ROCK2: variants seen among roughly 807,000 people sequenced by gnomAD.
The protein encoded by ROCK2 is rho-associated protein kinase 2.
In ROCK2, 61 loss-of-function variants were observed where a neutral mutation model predicts 195.1. The observed-to-expected ratio is 0.31, with a 90% CI of 0.25 to 0.39. ROCK2 has a LOEUF of 0.39. ROCK2 is among the 10% of genes least tolerant of loss of function. The pLI, the probability that ROCK2 is intolerant of heterozygous loss-of-function variation, is 1.00. For missense variants in ROCK2, 1,109 were observed against 1,637.4 expected (o/e 0.68, Z 5.57); for synonymous variants, 504 against 545.5 (o/e 0.92, Z 1.06).
intron 32 of ROCK2, chr2:11,184,769 T>A: frequency 2.0e-6 from 2 of 983,862 alleles, no homozygotes; most frequent in Non-Finnish European, 2.4e-6. Flanking sequence ...AATCAAGCAA[T>A]CTGCAATAGG....
chr2:11,214,262 ATTCCAGTTAGTGAC>A (rs1572252390), intron 17 of ROCK2, 81 bp downstream of exon 17: 2 of 669,800 alleles, frequency 3.0e-6, no homozygotes, highest in East Asian at 5.3e-5. Context: ...ATGTGGAAAT[ATTCCAGTTAGTGAC>A]TTCCCTTAGT....
intron 1 of ROCK2, among the ~76,000 whole-genome samples, chr2:11,336,626 G>A (rs1172951358): frequency 6.6e-6 from 1 of 152,164 alleles, no homozygotes; most frequent in Non-Finnish European, 1.5e-5. Flanking sequence ...TACTAAGGTG[G>A]TAGAAAAGCA....
intron 3 of ROCK2, among the ~76,000 whole-genome samples, chr2:11,273,301 T>G (rs1412823704): frequency 3.3e-5 from 5 of 151,934 alleles, no homozygotes; most frequent in Non-Finnish European, 5.9e-5. Context: ...AGACACAAAC[T>G]GATTGATAGT....
At chr2:11,213,254 G>T (rs909617881) in intron 17 of ROCK2, among the ~76,000 whole-genome samples, 2 of 152,180 alleles carry the variant, frequency 1.3e-5, no homozygotes, top group East Asian at 3.9e-4. Context: ...AGTATACAGC[G>T]ATCTATCTTT....
rs768408604 is a variant in ROCK2 at position 11,192,521 on chromosome 2, G to A, written c.3879C>T (p.Cys1293=). 1 of 1,614,072 alleles carries A rather than the reference G, an allele frequency of 6.2e-7. No homozygotes were observed. Reference sequence around the variant, plus strand: ...TATGACACTTAATATGGCAACGGCGGCACTCCAAAGCAGGAGGAGGCTTAA... The same window carrying A: ...TATGACACTTAATATGGCAACGGCGACACTCCAAAGCAGGAGGAGGCTTAA... ...HMFKPPPALE[C]RRCHIKCHKD... is the part of the protein sequence containing the mutation. The change falls in exon 31 of 33, where the codon TGC becomes TGT. Residue 1293 remains cysteine (C), a synonymous_variant. Coordinates refer to ENST00000315872, the MANE Select transcript of ROCK2 (RefSeq NM_004850.5). The surrounding 1 kb of genome is among the most constrained non-coding windows in gnomAD (Gnocchi z 5.0).
At chr2:11,250,158 C>A (rs904586385) in intron 3 of ROCK2, among the ~76,000 whole-genome samples, 38 of 151,856 alleles carry the variant, frequency 2.5e-4, no homozygotes, top group African/African-American at 8.5e-4. Flanking sequence ...TGAAAAAAAA[C>A]CATTTATGTA....
Position 11,258,903 on chromosome 2 carries a change from GAA to G in ROCK2, c.325-9107_325-9106del, listed in dbSNP as rs959143299. Among the ~76,000 whole-genome samples the G allele has an allele frequency of 9.3e-5, 14 of 151,302 alleles. 1 individual carries two copies. Among genetic ancestry groups the G allele is most frequent in the African/African-American group, 3.4e-4 (14 of 40,630 alleles). On this transcript the variant is annotated intron_variant, in intron 3 of 32. Coordinates refer to ENST00000315872, the MANE Select transcript of ROCK2 (RefSeq NM_004850.5). ...TAAAAAAAAAAGAAAACTGAAAAGG[GAA>G]AGAGTTGGAGCTGAGGAGGAAGAGT...
intron 1 of ROCK2, among the ~76,000 whole-genome samples, chr2:11,309,633 A>G (rs544072098): frequency 1.6e-4 from 24 of 152,244 alleles, no homozygotes; most frequent in Admixed American, 4.6e-4. Context: ...AAAAATGAGT[A>G]TATGAAATAT....
chr2:11,300,286 G>A (rs1421267234), intron 1 of ROCK2, among the ~76,000 whole-genome samples: 1 of 152,148 alleles, frequency 6.6e-6, no homozygotes, highest in Admixed American at 6.5e-5. Flanking sequence ...TTCTGAGACG[G>A]AGTTTCGCTC....
chr2:11,344,086 C>A lies in ROCK2; in HGVS notation c.51G>T (p.Ala17=), dbSNP rs368832806. Reference sequence around the variant, plus strand: ...GGCTCGCGCCTGCCCCGTCCCCCGGCGCGGTCTCGGGGGCGCCGGGCATTT... The same window carrying A: ...GGCTCGCGCCTGCCCCGTCCCCCGGAGCGGTCTCGGGGGCGCCGGGCATTT... ...TGKMPGAPET[A]PGDGAGASRQ... The change falls in exon 1 of 33, where the codon GCG becomes GCT. Residue 17 remains alanine, a synonymous_variant. Transcript: ENST00000315872. The surrounding 1 kb of genome is among the most constrained non-coding windows in gnomAD (Gnocchi z 5.4). 2.6e-4 allele frequency: 393 copies of A among 1,540,906 alleles called. 1 individual carries two copies. In the African/African-American group the frequency reaches 5.0e-3, roughly 20 times the overall value.
chr2:11,238,245 T>TG (rs11377542), intron 4 of ROCK2, among the ~76,000 whole-genome samples: 20 of 38,390 alleles, frequency 5.2e-4, no homozygotes, highest in Admixed American at 1.2e-3. Context: ...TGTGTGTCTG[T>TG]TGTGTGTGTC....
In ROCK2 at chr2:11,235,611, C is replaced by T; in HGVS notation, c.723+91G>A. 2.2e-6 allele frequency: 3 copies of T among 1,373,032 alleles called. No individual in the cohort carries two copies. Among genetic ancestry groups the T allele is most frequent in the South Asian group, 2.9e-5 (2 of 69,846 alleles). The allele number at this position is 1,373,032 out of a possible 1,614,324, so 85.1% of individuals were successfully genotyped here. A position where few individuals can be genotyped will look rare whatever the true frequency, so the allele number is the denominator to read the frequency against. Reference sequence around the variant, plus strand: ...ATACAGTTATGAAAACTAAATTTACCTTTGTTCAAAACTATGAAGACCTGA... The same window carrying T: ...ATACAGTTATGAAAACTAAATTTACTTTTGTTCAAAACTATGAAGACCTGA... On this transcript the variant is annotated intron_variant, in intron 5 of 32. Coordinates refer to ENST00000315872, the MANE Select transcript of ROCK2 (RefSeq NM_004850.5). This position sits in a 1 kb window ranked among gnomAD's most constrained non-coding sequence, Gnocchi z 4.2.
At chr2:11,279,428 TA>T (rs1294853621) in intron 3 of ROCK2, among the ~76,000 whole-genome samples, 2 of 152,086 alleles carry the variant, frequency 1.3e-5, no homozygotes, top group Non-Finnish European at 2.9e-5. Context: ...TTACCAGCGA[TA>T]AAAAAGGGCA....
intron 3 of ROCK2, among the ~76,000 whole-genome samples, chr2:11,280,394 C>T (rs549047390): frequency 7.3e-5 from 11 of 149,670 alleles, no homozygotes; most frequent in African/African-American, 2.0e-4. Context: ...GAGGCCGAGG[C>T]GGGCGGATCA....
At chr2:11,343,470 G>A (rs2148285047) in intron 1 of ROCK2, among the ~76,000 whole-genome samples, 1 of 152,284 alleles carries the variant, frequency 6.6e-6, no homozygotes, top group Admixed American at 6.5e-5. Flanking sequence ...TAGCAAGTAT[G>A]GAATGCTCAA....
chr2:11,222,027 C>T, intron 8 of ROCK2, 56 bp downstream of exon 8: 1 of 997,198 alleles, frequency 1.0e-6, no homozygotes, highest in Non-Finnish European at 1.6e-6. Context: ...AAAAAGGAAT[C>T]AACTTATGAG....
intron 4 of ROCK2, 44 bp downstream of exon 4, chr2:11,249,617 C>T: frequency 1.4e-6 from 2 of 1,382,114 alleles, no homozygotes; most frequent in South Asian, 2.1e-5. Context: ...TAATAAAGCA[C>T]TCATAAAAAA....
At chr2:11,284,696 G>A (rs1354564646) in intron 3 of ROCK2, among the ~76,000 whole-genome samples, 3 of 151,980 alleles carry the variant, frequency 2.0e-5, no homozygotes, top group Non-Finnish European at 4.4e-5. Context: ...ACTACTTTAG[G>A]TAGTCTGATC....
chr2:11,209,571 G>C (rs1664179070), intron 18 of ROCK2, among the ~76,000 whole-genome samples: 1 of 152,060 alleles, frequency 6.6e-6, no homozygotes, highest in African/African-American at 2.4e-5. Context: ...ACTTTCCTGT[G>C]TTTTCTAAAT....
Sources: gnomAD v4.1 joint callset for allele counts (sites outside exome capture counted in the v4.1 genomes callset) on GRCh38, gnomAD v4.1.1 for gene constraint, Gnocchi (gnomAD v3.1) non-coding constraint, MANE v1.5 for transcripts, NCBI Gene and HGNC (gene_info 2026-07-23, HGNC 2026-07-21) for gene names.